Variants in MKX observed in about 807,000 individuals in gnomAD.
The protein encoded by MKX is mohawk homeobox, also known as homeobox protein Mohawk.
In MKX, 13 loss-of-function variants were observed where a neutral mutation model predicts 36.0. That is an observed-to-expected ratio of 0.36 (90% CI 0.24 to 0.57). The LOEUF (loss-of-function observed/expected upper bound fraction) is 0.57, where lower values mean the gene tolerates loss of function less well. MKX is among the 20% of genes least tolerant of loss of function. The probability of loss-of-function intolerance (pLI) is 0.79; values close to 1 mark genes in which losing one functional copy is unlikely to be tolerated. For missense variants in MKX, 458 were observed against 456.4 expected (o/e 1.00, Z -0.03); for synonymous variants, 176 against 178.3 (o/e 0.99, Z 0.10).
Position 27,744,330 on chromosome 10 carries a change from C to T in MKX, c.-82-833G>A, listed in dbSNP as rs12241763. Among the ~76,000 whole-genome samples, 7,498 of 152,200 alleles carry T rather than the reference C, an allele frequency of 0.049. 595 individuals are homozygous for T. Among genetic ancestry groups the T allele is most frequent in the African/African-American group, 0.17 (6,941 of 41,506 alleles). ...CCGCGAGCTCGTAGCCCCTCGACAC[C>T]CGCCTCTCTCTGGGGTCTCCGGGGA... is the stretch of plus-strand genomic sequence containing the variant. On this transcript the variant is annotated intron_variant, in intron 1 of 6. Coordinates refer to ENST00000419761, the MANE Select transcript of MKX (RefSeq NM_173576.3). This position sits in a 1 kb window ranked among gnomAD's most constrained non-coding sequence, Gnocchi z 5.6.
chr10:27,693,127 T>G (rs1045494967), intron 5 of MKX, among the ~76,000 whole-genome samples: 1 of 152,206 alleles, frequency 6.6e-6, no homozygotes, highest in Middle Eastern at 3.2e-3. Flanking sequence ...GGTGGCCATC[T>G]GAAAGCCACC....
Position 27,673,578 on chromosome 10 carries a change from ACT to A in MKX, c.*1649_*1650del, listed in dbSNP as rs1389769226. On this transcript the variant is annotated 3_prime_UTR_variant, in exon 7 of 7. Coordinates refer to ENST00000419761, the MANE Select transcript of MKX (RefSeq NM_173576.3). ...TACTTCATCTGATCATACAGTCATAACTTATATATTTTGCTTTGCGCTTACTG... is the reference window on the plus strand; with the variant it reads ...TACTTCATCTGATCATACAGTCATAATATATATTTTGCTTTGCGCTTACTG... 2 of 152,592 alleles carry A rather than the reference ACT, an allele frequency of 1.3e-5. No homozygotes were observed. Among genetic ancestry groups the A allele is most frequent in the Non-Finnish European group, 2.9e-5 (2 of 68,008 alleles). The allele number at this position is 152,592 out of a possible 1,614,324, so 9.5% of individuals were successfully genotyped here.
chr10:27,684,524 A>C (rs1052647428), intron 5 of MKX, among the ~76,000 whole-genome samples: 22 of 152,296 alleles, frequency 1.4e-4, no homozygotes, highest in African/African-American at 4.8e-4. Flanking sequence ...CACATTTTTT[A>C]AAAAGGCATA....
intron 1 of MKX, chr10:27,745,326 T>A (rs1564371057): frequency 6.6e-6 from 1 of 152,460 alleles, no homozygotes; most frequent in East Asian, 1.9e-4. Context: ...AGCGCTGTCC[T>A]GTCGCAAGGG....
At chr10:27,690,104 G>A (rs980711582) in intron 5 of MKX, among the ~76,000 whole-genome samples, 3 of 152,190 alleles carry the variant, frequency 2.0e-5, no homozygotes, top group Admixed American at 2.0e-4. Context: ...CGGGTGTGGC[G>A]GCTCACGCTT....
intron 5 of MKX, among the ~76,000 whole-genome samples, chr10:27,691,873 AG>A (rs1156943238): frequency 6.6e-6 from 1 of 152,154 alleles, no homozygotes; most frequent in African/African-American, 2.4e-5. Flanking sequence ...GTGGCTGCAA[AG>A]GTTATAACTT....
chr10:27,686,970 C>G (rs1836367242), intron 5 of MKX, among the ~76,000 whole-genome samples: 1 of 151,718 alleles, frequency 6.6e-6, no homozygotes, highest in South Asian at 2.1e-4. Flanking sequence ...CCCCAACTAG[C>G]TCCTGCTAGA....
rs752451418 is a variant in MKX at position 27,743,229 on chromosome 10, C to G, written c.187G>C (p.Gly63Arg). Residue 63 changes from glycine (G) to arginine (R), a missense_variant and splice_region_variant, in exon 2 of 7, where the codon GGC becomes CGC. This residue lies in a region of MKX where 149 missense variants were observed against 114.3 expected (regional missense o/e 1.30). Transcript: ENST00000419761. ...DNLGLRHRRT[G>R]ARQNGGKVRH... ...GGGCCCCCAGGGGAGTGCGCATACC[C>G]GGTCCTCCGGTGTCTCAGGCCGAGG... 2.7e-6 allele frequency: 4 copies of G among 1,502,164 alleles called. No individual in the cohort carries two copies. The highest frequency in any genetic ancestry group is 3.5e-6 in the Non-Finnish European group (4 of 1,132,162). 93.1% of individuals were successfully genotyped at this position (1,502,164 alleles called of 1,614,324 possible).
At chr10:27,723,245 T>A (rs555288988) in intron 5 of MKX, among the ~76,000 whole-genome samples, 1 of 152,074 alleles carries the variant, frequency 6.6e-6, no homozygotes, top group East Asian at 1.9e-4. Context: ...TCCCCATGGG[T>A]TGCTGCATAA....
At position 27,674,928 on chromosome 10, in the gene MKX, G is replaced by A. The variant is rs932276528; in HGVS notation, c.*301C>T. 4.0e-6 allele frequency: 1 copy of A among 252,254 alleles called. No homozygotes were observed. The highest frequency in any genetic ancestry group is 7.6e-6 in the Non-Finnish European group (1 of 131,096). 15.6% of individuals were successfully genotyped at this position (252,254 alleles called of 1,614,324 possible). ...TATGGCGTTGGCATTTTGAGGCATAGCTTGTTCAACTATGCCCACGTTGGA... is the reference window on the plus strand; with the variant it reads ...TATGGCGTTGGCATTTTGAGGCATAACTTGTTCAACTATGCCCACGTTGGA... On this transcript the variant is annotated 3_prime_UTR_variant, in exon 7 of 7. Coordinates refer to ENST00000419761, the MANE Select transcript of MKX (RefSeq NM_173576.3).
intron 2 of MKX, 75 bp downstream of exon 2, chr10:27,743,153 G>C (rs773638559): frequency 2.3e-5 from 30 of 1,332,488 alleles, no homozygotes; most frequent in Non-Finnish European, 2.7e-5. Context: ...GCGTTGCCAC[G>C]GGACCCCGTC....
chr10:27,694,587 C>T (rs1836518421), intron 5 of MKX, among the ~76,000 whole-genome samples: 3 of 146,544 alleles, frequency 2.0e-5, no homozygotes, highest in Admixed American at 6.9e-5. Context: ...CCCAGCTACT[C>T]GGGAGGCTGA....
rs547670335 is a variant in MKX at position 27,694,527 on chromosome 10, A to AAATATATATATAT, written c.839-18974_839-18973insATATATATATATT. On this transcript the variant is annotated intron_variant, in intron 5 of 6. Coordinates refer to ENST00000419761, the MANE Select transcript of MKX (RefSeq NM_173576.3). ...AACCCCGTCTCTACTAAAAAAAAAA[A>AAATATATATATAT]ATATATATATATATATAAATTAGCC... Among the ~76,000 whole-genome samples, 22 of 114,334 alleles carry AAATATATATATAT rather than the reference A, an allele frequency of 1.9e-4. No homozygotes were observed. In the East Asian group the frequency reaches 2.8e-3, roughly 14 times the overall value. 75.0% of individuals were successfully genotyped at this position (114,334 alleles called of 152,430 possible). A position where few individuals can be genotyped will look rare whatever the true frequency, so the allele number is the denominator to read the frequency against.
In MKX at chr10:27,742,395, T is replaced by A; in HGVS notation, c.188+833A>T. Among the ~76,000 whole-genome samples, 1 of 152,110 alleles carries A rather than the reference T, an allele frequency of 6.6e-6. No homozygotes were observed. The highest frequency in any genetic ancestry group is 1.9e-4 in the East Asian group (1 of 5,140). On this transcript the variant is annotated intron_variant, in intron 2 of 6. Coordinates refer to ENST00000419761, the MANE Select transcript of MKX (RefSeq NM_173576.3). The surrounding 1 kb of genome is among the most constrained non-coding windows in gnomAD (Gnocchi z 4.2). ...CTCTTTAAACACTTTGAAATGCAAT[T>A]CCACCCGAAACGACTGGTAGTAACA...
intron 3 of MKX, among the ~76,000 whole-genome samples, chr10:27,736,600 A>C (rs1313475620): frequency 6.6e-6 from 1 of 152,076 alleles, no homozygotes; most frequent in Non-Finnish European, 1.5e-5. Context: ...CCAGATTACT[A>C]TAATGGTTTG....
intron 5 of MKX, among the ~76,000 whole-genome samples, chr10:27,681,273 C>T (rs1413285445): frequency 6.6e-6 from 1 of 151,964 alleles, no homozygotes; most frequent in East Asian, 1.9e-4. Context: ...ATGGTGAAAT[C>T]CTGTCTCTAC....
chr10:27,726,047 G>T (rs1177928405), intron 5 of MKX, among the ~76,000 whole-genome samples: 4 of 152,126 alleles, frequency 2.6e-5, no homozygotes, highest in Non-Finnish European at 4.4e-5. Context: ...CTGTGAAGCT[G>T]CCCCGGGATG....
intron 5 of MKX, among the ~76,000 whole-genome samples, chr10:27,712,986 T>C (rs1372796256): frequency 6.6e-6 from 1 of 152,010 alleles, no homozygotes; most frequent in Non-Finnish European, 1.5e-5. Context: ...TGATGGAAGG[T>C]CCTCCTTCAC....
chr10:27,733,640 T>C (rs1198257191), intron 5 of MKX, among the ~76,000 whole-genome samples: 1 of 152,218 alleles, frequency 6.6e-6, no homozygotes, highest in African/African-American at 2.4e-5. Flanking sequence ...AAATCTCATT[T>C]GCTGACATTT....
Sources: gnomAD v4.1 joint callset for allele counts (sites outside exome capture counted in the v4.1 genomes callset) on GRCh38, gnomAD v4.1.1 for gene constraint, gnomAD v4.1.1 regional missense constraint, Gnocchi (gnomAD v3.1) non-coding constraint, MANE v1.5 for transcripts, NCBI Gene and HGNC (gene_info 2026-07-23, HGNC 2026-07-21) for gene names.